ZNF665: variants seen among roughly 807,000 people sequenced by gnomAD.
ZNF665 encodes the protein zinc finger protein 665.
ZNF665 carries 6 observed loss-of-function variants against 7.9 expected under a neutral mutation model. The observed-to-expected ratio is 0.76, with a 90% CI of 0.42 to 1.50. ZNF665 has a LOEUF of 1.50. ZNF665 is among the 40% of genes most tolerant of loss of function. The pLI is 0.01. For synonymous variants in ZNF665, 242 were observed against 274.5 expected (o/e 0.88, Z 1.17); for missense variants, 819 against 806.7 (o/e 1.02, Z -0.18).
In ZNF665 at chr19:53,162,990, G is replaced by C. The variant is rs1358155265; in HGVS notation, c.*1463C>G. The C allele has an allele frequency of 1.3e-5, 2 of 151,996 alleles. No individual in the cohort carries two copies. Among genetic ancestry groups the C allele is most frequent in the African/African-American group, 4.8e-5 (2 of 41,382 alleles). 9.4% of individuals were successfully genotyped at this position (151,996 alleles called of 1,614,324 possible). ...TATTACTCTCCTCTAATAAAAATCC[G>C]AGTGTCTTCCTGGCTCTATTTCATG... On this transcript the variant is annotated 3_prime_UTR_variant, in exon 4 of 4. Transcript: ENST00000396424.
At chr19:53,191,135 T>TGA (rs2090813927) in intron 1 of ZNF665, among the ~76,000 whole-genome samples, 1 of 152,196 alleles carries the variant, frequency 6.6e-6, no homozygotes, top group African/African-American at 2.4e-5. Flanking sequence ...TGGGATCTAA[T>TGA]GCTAACTCTG....
chr19:53,183,929 T>C (rs547827618), intron 1 of ZNF665, among the ~76,000 whole-genome samples: 1 of 152,238 alleles, frequency 6.6e-6, no homozygotes, highest in African/African-American at 2.4e-5. Flanking sequence ...GGCTGAGGTC[T>C]TCAAACAGTT....
intron 3 of ZNF665, among the ~76,000 whole-genome samples, chr19:53,167,935 A>T (rs953846002): frequency 6.8e-5 from 10 of 147,766 alleles, no homozygotes; most frequent in Non-Finnish European, 1.5e-4. Flanking sequence ...GGGCGCCTGC[A>T]GTCCCAGCTA....
rs1375800663 is a variant in ZNF665, at chr19:53,165,389, A to C, written c.1101T>G (p.Ile367Met). The C allele has an allele frequency of 1.2e-6, 2 of 1,614,162 alleles. No homozygotes were observed. The highest frequency in any genetic ancestry group is 8.5e-7 in the Non-Finnish European group (1 of 1,180,032). Residue 367 changes from isoleucine to methionine, a missense_variant, in exon 4 of 4, where the codon ATT (isoleucine) becomes ATG (methionine). Ile to Met is a conservative substitution (Grantham distance 10, BLOSUM62 1). Transcript: ENST00000396424. ...ACTTGTAAGGTTTCTCACCAGTATGAATTCGCCGATGCTTTGCAAGGTATG... is the reference window on the plus strand; with the variant it reads ...ACTTGTAAGGTTTCTCACCAGTATGCATTCGCCGATGCTTTGCAAGGTATG... ...HNSYLAKHRR[I>M]HTGEKPYKCN...
In ZNF665 at chr19:53,163,529, A is replaced by C. The variant is rs2090579120; in HGVS notation, c.*924T>G. The C allele has an allele frequency of 6.6e-6, 1 of 152,224 alleles. No homozygotes were observed. Among genetic ancestry groups the C allele is most frequent in the Admixed American group, 6.5e-5 (1 of 15,290 alleles). 9.4% of individuals were successfully genotyped at this position (152,224 alleles called of 1,614,324 possible). On this transcript the variant is annotated 3_prime_UTR_variant, in exon 4 of 4. Transcript: ENST00000396424. ...CTTGGAGAGAAATAATCCTCACCTA[A>C]TGAAGTGAGTGAGCCCTTCCATCCT...
rs1448055563 is a variant in ZNF665, at chr19:53,179,372, C to T, written c.15+3512G>A. On this transcript the variant is annotated intron_variant, in intron 2 of 3. Coordinates refer to ENST00000396424, the MANE Select transcript of ZNF665 (RefSeq NM_024733.5). ...GCCTGGGTGACACAGAGCGAGATTC[C>T]GTCTCAAAAAAAAAAAAAAAAAAAA... Among the ~76,000 whole-genome samples the T allele has an allele frequency of 7.6e-5, 8 of 104,970 alleles. No individual in the cohort carries two copies. In the South Asian group the frequency reaches 1.3e-3, roughly 18 times the overall value. 68.9% of individuals were successfully genotyped at this position (104,970 alleles called of 152,430 possible).
At position 53,175,455 on chromosome 19, in the gene ZNF665, C is replaced by G. The variant is rs1471641681; in HGVS notation, c.132G>C (p.Leu44=). 1 of 1,610,846 alleles carries G rather than the reference C, an allele frequency of 6.2e-7. No individual in the cohort carries two copies. The highest frequency in any genetic ancestry group is 8.5e-7 in the Non-Finnish European group (1 of 1,178,920). Residue 44 remains leucine, a synonymous_variant, in exon 3 of 4, where the codon CTG becomes CTC. Transcript: ENST00000396424. ...RDVMLENYRN[L]VSLDISCKCV... ...GAAAGTCATCCTCACCCAGGGAGAC[C>G]AGGTTCCTATAATTCTCCAACATGA... is the stretch of plus-strand genomic sequence containing the variant.
chr19:53,177,878 C>A (rs938347495), intron 2 of ZNF665, among the ~76,000 whole-genome samples: 2 of 152,218 alleles, frequency 1.3e-5, no homozygotes, highest in Admixed American at 6.5e-5. Context: ...GTGGGGACAA[C>A]TGTTTCACAG....
Position 53,164,923 on chromosome 19 carries a change from A to C in ZNF665, c.1567T>G (p.Phe523Val). Residue 523 changes from phenylalanine to valine, a missense_variant, in exon 4 of 4, where the codon TTT becomes GTT. By Grantham distance (50) the Phe-to-Val change is conservative. Transcript: ENST00000396424. ...PYKCNECGKA[F>V]SVHSSLTIHQ... ...ATAGTTAGGCTTGAATGAACACTAA[A>C]GGCTTTGCCACACTCATTACACTTG... is the stretch of plus-strand genomic sequence containing the variant. 6.2e-7 allele frequency: 1 copy of C among 1,614,190 alleles called. No individual in the cohort carries two copies. The highest frequency in any genetic ancestry group is 8.5e-7 in the Non-Finnish European group (1 of 1,180,030).
chr19:53,162,901 T>C lies in ZNF665; in HGVS notation c.*1552A>G, dbSNP rs1165558725. On this transcript the variant is annotated 3_prime_UTR_variant, in exon 4 of 4. Coordinates refer to ENST00000396424, the MANE Select transcript of ZNF665 (RefSeq NM_024733.5). The stretch of plus-strand genomic sequence containing the variant: ...TTTGCTATGCAACAGCTATTGGCAT[T>C]TGATGGAGAAGGTAGCCTCCACTTT... 1 of 152,170 alleles carries C rather than the reference T, an allele frequency of 6.6e-6. No individual in the cohort carries two copies. The highest frequency in any genetic ancestry group is 2.4e-5 in the African/African-American group (1 of 41,418). The allele number at this position is 152,170 out of a possible 1,614,324, so 9.4% of individuals were successfully genotyped here. A position where few individuals can be genotyped will look rare whatever the true frequency, so the allele number is the denominator to read the frequency against.
chr19:53,189,819 T>C (rs918135396), intron 1 of ZNF665, among the ~76,000 whole-genome samples: 5 of 151,904 alleles, frequency 3.3e-5, no homozygotes, highest in Non-Finnish European at 7.4e-5. Context: ...GCGGGTGTTT[T>C]CATTTGACAC....
chr19:53,184,403 G>T (rs1212492512), intron 1 of ZNF665, among the ~76,000 whole-genome samples: 1 of 152,066 alleles, frequency 6.6e-6, no homozygotes, highest in African/African-American at 2.4e-5. Context: ...GTACAGGGTG[G>T]CCCCCATCCA....
At chr19:53,190,977 A>G (rs2090812583) in intron 1 of ZNF665, among the ~76,000 whole-genome samples, 2 of 138,198 alleles carry the variant, frequency 1.4e-5, no homozygotes, top group Non-Finnish European at 3.0e-5. Context: ...AAACCAAGGA[A>G]AATGTTTCCC....
Position 53,165,716 on chromosome 19 carries a change from T to G in ZNF665, c.774A>C (p.Gly258=). The change falls in exon 4 of 4, where the codon GGA becomes GGC. Residue 258 remains glycine, a synonymous_variant. Coordinates refer to ENST00000396424, the MANE Select transcript of ZNF665 (RefSeq NM_024733.5). ...NLAGHQRIHT[G]EKPYKCNECG... ...ACTCATTACACTTGTAAGGTTTCTC[T>G]CCAGTATGAATTCTCTGATGACCTG... The G allele has an allele frequency of 6.2e-7, 1 of 1,614,076 alleles. No homozygotes were observed. Among genetic ancestry groups the G allele is most frequent in the Non-Finnish European group, 8.5e-7 (1 of 1,180,018 alleles).
intron 3 of ZNF665, among the ~76,000 whole-genome samples, chr19:53,166,697 A>C (rs118143716): frequency 0.016 from 2,499 of 152,306 alleles, 38 homozygotes; most frequent in Non-Finnish European, 0.02. Flanking sequence ...AAGAGAAATA[A>C]TTCTTAGATT....
At chr19:53,181,669 C>T (rs906364169) in intron 2 of ZNF665, 8 of 152,286 alleles carry the variant, frequency 5.3e-5, no homozygotes, top group Non-Finnish European at 1.2e-4. Flanking sequence ...ATGCATCTCA[C>T]GAGTACATTA....
chr19:53,182,452 G>A (rs959379020), intron 2 of ZNF665: 33 of 493,428 alleles, frequency 6.7e-5, no homozygotes, highest in Admixed American at 3.4e-5. Context: ...ATATAAATGA[G>A]GTGACAAAGC....
At chr19:53,170,694 A>G (rs567046686) in intron 3 of ZNF665, among the ~76,000 whole-genome samples, 1 of 152,326 alleles carries the variant, frequency 6.6e-6, no homozygotes, top group East Asian at 1.9e-4. Flanking sequence ...GTTTGATTTC[A>G]TAACTCGACT....
chr19:53,182,404 AGAAAC>A lies in ZNF665; in HGVS notation c.15+475_15+479del, dbSNP rs149135262. The A allele has an allele frequency of 5.4e-3, 2,137 of 395,534 alleles. 46 individuals are homozygous for A. The highest frequency in any genetic ancestry group is 0.04 in the African/African-American group (1,952 of 48,792). The allele number at this position is 395,534 out of a possible 1,614,324, so 24.5% of individuals were successfully genotyped here. A position where few individuals can be genotyped will look rare whatever the true frequency, so the allele number is the denominator to read the frequency against. On this transcript the variant is annotated intron_variant, in intron 2 of 3. Transcript: ENST00000396424. ...CAACAAAAAAAAGGAGTTTGGAGTC[AGAAAC>A]ACAGTGACTCACTTGTTCGGCATCA...
Sources: gnomAD v4.1 joint callset for allele counts (sites outside exome capture counted in the v4.1 genomes callset) on GRCh38, gnomAD v4.1.1 for gene constraint, MANE v1.5 for transcripts, NCBI Gene and HGNC (gene_info 2026-07-23, HGNC 2026-07-21) for gene names.